HTRA3: variants seen among roughly 807,000 people sequenced by gnomAD.
The protein encoded by HTRA3 is serine protease HTRA3.
Under a neutral mutation model 43.2 loss-of-function variants are expected in HTRA3, and 41 were observed. The observed-to-expected ratio is 0.95, with a 90% confidence interval of 0.74 to 1.23. The LOEUF (loss-of-function observed/expected upper bound fraction) is 1.23. Ranked by LOEUF, HTRA3 falls within the 50% of genes most tolerant of loss-of-function variation. The pLI, the probability that HTRA3 is intolerant of heterozygous loss-of-function variation, is 0.00. For synonymous variants in HTRA3, 295 were observed against 287.9 expected, an observed-to-expected ratio of 1.02 and a Z score of -0.25; for missense variants, 628 against 647.1, an observed-to-expected ratio of 0.97 and a Z score of 0.32.
chr4:8,290,203 C>G (rs556520801), intron 3 of HTRA3, among the ~76,000 whole-genome samples: 2 of 152,388 alleles, frequency 1.3e-5, no homozygotes, highest in African/African-American at 4.8e-5. Flanking sequence ...TTTCCCACAC[C>G]AGCGCCCGCC....
chr4:8,270,954 C>T (rs564130640), intron 1 of HTRA3, among the ~76,000 whole-genome samples: 3 of 152,294 alleles, frequency 2.0e-5, no homozygotes, highest in South Asian at 2.1e-4. Context: ...TGACTCTGTA[C>T]GTGGAGGAAA....
At chr4:8,305,042 G>A (rs1045798701) in intron 8 of HTRA3, among the ~76,000 whole-genome samples, 5 of 152,206 alleles carry the variant, frequency 3.3e-5, no homozygotes, top group Admixed American at 1.3e-4. Flanking sequence ...TGAGGCAGGC[G>A]TGCAGCGACA....
rs149613376 is a variant in HTRA3, at chr4:8,292,131, C to T, written c.904-190C>T. ...GCAGAGAACAGTGACAGTCAGACCT[C>T]GGTCATCAGGCAGCCATCCACATGG... On this transcript the variant is annotated intron_variant, in intron 4 of 8. Coordinates refer to ENST00000307358, the MANE Select transcript of HTRA3 (RefSeq NM_053044.5). Among the ~76,000 whole-genome samples, 15 of 152,304 alleles carry T rather than the reference C, an allele frequency of 9.8e-5. No individual in the cohort carries two copies. The East Asian group carries it at 2.3e-3, about 24-fold the overall frequency.
chr4:8,289,494 T>G (rs1223625403), intron 3 of HTRA3, among the ~76,000 whole-genome samples: 2 of 152,194 alleles, frequency 1.3e-5, no homozygotes, highest in African/African-American at 2.4e-5. Context: ...GGGGCAGGTC[T>G]GTCTCCCCTT....
intron 1 of HTRA3, among the ~76,000 whole-genome samples, chr4:8,275,669 C>T (rs775529374): frequency 2.1e-4 from 32 of 152,322 alleles, no homozygotes; most frequent in Non-Finnish European, 3.8e-4. Flanking sequence ...GAACACCTTC[C>T]GCCCAGGCTT....
At chr4:8,288,878 T>TTTACTTCC (rs1713102398) in intron 3 of HTRA3, among the ~76,000 whole-genome samples, 1 of 118,076 alleles carries the variant, frequency 8.5e-6, no homozygotes. Flanking sequence ...ACCCCCAAAT[T>TTTACTTCC]TTCCTTCCTT....
intron 1 of HTRA3, among the ~76,000 whole-genome samples, chr4:8,275,643 G>A (rs140541513): frequency 1.3e-5 from 2 of 152,224 alleles, no homozygotes; most frequent in Non-Finnish European, 2.9e-5. Flanking sequence ...GCTCACCAGG[G>A]CCTGCCAGGT....
At chr4:8,275,962 G>A (rs751233652) in intron 1 of HTRA3, among the ~76,000 whole-genome samples, 4 of 152,224 alleles carry the variant, frequency 2.6e-5, no homozygotes, top group African/African-American at 4.8e-5. Context: ...TGATGAGGGT[G>A]TTTGTGGACT....
chr4:8,271,005 G>A (rs1343650033), intron 1 of HTRA3, among the ~76,000 whole-genome samples: 1 of 152,192 alleles, frequency 6.6e-6, no homozygotes, highest in African/African-American at 2.4e-5. Flanking sequence ...TGTTTGGGGT[G>A]CCTCTTAGGA....
intron 1 of HTRA3, among the ~76,000 whole-genome samples, chr4:8,273,025 C>A (rs1365121628): frequency 2.0e-5 from 3 of 152,222 alleles, no homozygotes; most frequent in Non-Finnish European, 4.4e-5. Flanking sequence ...AGCCCTGTCT[C>A]ATTTCCCACG....
At chr4:8,305,899 G>C in intron 8 of HTRA3, 72 bp from the exon 9 acceptor site, 1 of 1,561,288 alleles carries the variant, frequency 6.4e-7, no homozygotes, top group Non-Finnish European at 8.8e-7. Context: ...ACTGTGCCTC[G>C]CTCTGGGCCG....
At chr4:8,275,989 T>C (rs1249181735) in intron 1 of HTRA3, among the ~76,000 whole-genome samples, 1 of 152,072 alleles carries the variant, frequency 6.6e-6, no homozygotes, top group Non-Finnish European at 1.5e-5. Context: ...TGGGACAGGG[T>C]TTAAAATCAT....
rs1336260032 is a variant in HTRA3 at position 8,295,391 on chromosome 4, C to G, written c.1051+1190C>G. Among the ~76,000 whole-genome samples, 1 of 152,136 alleles carries G rather than the reference C, an allele frequency of 6.6e-6. No homozygotes were observed. The highest frequency in any genetic ancestry group is 2.4e-5 in the African/African-American group (1 of 41,434). On this transcript the variant is annotated intron_variant, in intron 6 of 8. Coordinates refer to ENST00000307358, the MANE Select transcript of HTRA3 (RefSeq NM_053044.5). This position sits in a 1 kb window ranked among gnomAD's most constrained non-coding sequence, Gnocchi z 6.9. Reference sequence around the variant, plus strand: ...CATCAAAAAGGGATACCCAGCCCACCCTGCCCACTCCTAGATTGCCATGAG... The same window carrying G: ...CATCAAAAAGGGATACCCAGCCCACGCTGCCCACTCCTAGATTGCCATGAG...
At position 8,295,117 on chromosome 4, in the gene HTRA3, A is replaced by C. The variant is rs1578804260; in HGVS notation, c.1051+916A>C. ...CTTCTCTCCTTCCTTCCACCCATCCACCCACCCACTCATTCACCTGTCTAC... is the reference window on the plus strand; with the variant it reads ...CTTCTCTCCTTCCTTCCACCCATCCCCCCACCCACTCATTCACCTGTCTAC... On this transcript the variant is annotated intron_variant, in intron 6 of 8. Coordinates refer to ENST00000307358, the MANE Select transcript of HTRA3 (RefSeq NM_053044.5). This position sits in a 1 kb window ranked among gnomAD's most constrained non-coding sequence, Gnocchi z 6.9. 1.4e-5 allele frequency among the ~76,000 whole-genome samples: 2 copies of C among 144,178 alleles called. No individual in the cohort carries two copies. Among genetic ancestry groups the C allele is most frequent in the Non-Finnish European group, 3.1e-5 (2 of 65,570 alleles). 94.6% of individuals were successfully genotyped at this position (144,178 alleles called of 152,430 possible).
At chr4:8,275,699 A>T (rs1712492574) in intron 1 of HTRA3, among the ~76,000 whole-genome samples, 1 of 152,204 alleles carries the variant, frequency 6.6e-6, no homozygotes, top group Non-Finnish European at 1.5e-5. Context: ...GAGGGAGGCC[A>T]CCAGGTTTCA....
At position 8,279,877 on chromosome 4, in the gene HTRA3, C is replaced by T. The variant is rs1044624146; in HGVS notation, c.386-2560C>T. Reference sequence around the variant, plus strand: ...CTGGTGATGCTGTGCTGTCTCTGGTCGGTCACTGACTTGACCCTTGCCCCC... The same window carrying T: ...CTGGTGATGCTGTGCTGTCTCTGGTTGGTCACTGACTTGACCCTTGCCCCC... On this transcript the variant is annotated intron_variant, in intron 1 of 8. Transcript: ENST00000307358. This position sits in a 1 kb window ranked among gnomAD's most constrained non-coding sequence, Gnocchi z 7.4. Among the ~76,000 whole-genome samples, 1 of 152,222 alleles carries T rather than the reference C, an allele frequency of 6.6e-6. No individual in the cohort carries two copies. The highest frequency in any genetic ancestry group is 1.5e-5 in the Non-Finnish European group (1 of 68,034).
At chr4:8,298,781 T>G (rs1415496423) in intron 6 of HTRA3, among the ~76,000 whole-genome samples, 2 of 152,248 alleles carry the variant, frequency 1.3e-5, no homozygotes, top group Non-Finnish European at 2.9e-5. Context: ...TCTACTGAAG[T>G]GCCTTCGCAC....
Position 8,286,088 on chromosome 4 carries a change from C to T in HTRA3, c.486-473C>T, listed in dbSNP as rs143722597. ...AATTATTGTCCTGTTTGTTGAGAGG[C>T]GTTTTAGAGCCCAGGCATCACCACT... On this transcript the variant is annotated intron_variant, in intron 2 of 8. Transcript: ENST00000307358. This position sits in a 1 kb window ranked among gnomAD's most constrained non-coding sequence, Gnocchi z 4.9. Among the ~76,000 whole-genome samples the T allele has an allele frequency of 4.5e-3, 684 of 152,266 alleles. 4 individuals carry two copies. Among genetic ancestry groups the T allele is most frequent in the African/African-American group, 0.015 (643 of 41,540 alleles).
At position 8,297,715 on chromosome 4, in the gene HTRA3, C is replaced by T. The variant is rs1056574251; in HGVS notation, c.1051+3514C>T. Among the ~76,000 whole-genome samples, 2 of 152,084 alleles carry T rather than the reference C, an allele frequency of 1.3e-5. No homozygotes were observed. The highest frequency in any genetic ancestry group is 6.5e-5 in the Admixed American group (1 of 15,274). ...GGGCCCATGTCCCAGGTGGGCTGTG[C>T]AGGTCCTGTCGAGGATCCCACCCCC... On this transcript the variant is annotated intron_variant, in intron 6 of 8. Transcript: ENST00000307358. This position sits in a 1 kb window ranked among gnomAD's most constrained non-coding sequence, Gnocchi z 5.8.
Sources: gnomAD v4.1 joint callset for allele counts (sites outside exome capture counted in the v4.1 genomes callset) on GRCh38, gnomAD v4.1.1 for gene constraint, Gnocchi (gnomAD v3.1) non-coding constraint, MANE v1.5 for transcripts, NCBI Gene and HGNC (gene_info 2026-07-23, HGNC 2026-07-21) for gene names.